The following KIAA1217 variants were observed in gnomAD, a reference collection of about 807,000 sequenced individuals.
KIAA1217 encodes the protein sickle tail protein homolog.
Under a neutral mutation model 163.9 loss-of-function variants are expected in KIAA1217, and 88 were observed. That is an observed-to-expected ratio of 0.54 (90% CI 0.45 to 0.64). KIAA1217 has a LOEUF of 0.64. Among genes scored for constraint, KIAA1217 ranks in the 30% least tolerant of loss-of-function variants. The probability of loss-of-function intolerance (pLI) is 0.00; values close to 1 mark genes in which losing one functional copy is unlikely to be tolerated. For synonymous variants in KIAA1217, 903 were observed against 923.1 expected (o/e 0.98, Z 0.39); for missense variants, 2,372 against 2,475.0 (o/e 0.96, Z 0.88).
At chr10:24,236,450 G>A (rs2072277998) in intron 2 of KIAA1217, among the ~76,000 whole-genome samples, 1 of 151,920 alleles carries the variant, frequency 6.6e-6, no homozygotes, top group South Asian at 2.1e-4. Flanking sequence ...CACCATGTTG[G>A]GCAGGCTGGT....
chr10:23,906,097 C>A (rs1842150432), intron 1 of KIAA1217, among the ~76,000 whole-genome samples: 1 of 151,882 alleles, frequency 6.6e-6, no homozygotes, highest in African/African-American at 2.4e-5. Context: ...TCTCTCCAGC[C>A]CCTTAATAAA....
intron 1 of KIAA1217, among the ~76,000 whole-genome samples, chr10:23,860,167 G>A (rs573906233): frequency 1.2e-3 from 183 of 152,196 alleles, no homozygotes; most frequent in African/African-American, 4.3e-3. Flanking sequence ...GCTCTGGGCA[G>A]GGCTCTCCTT....
intron 2 of KIAA1217, among the ~76,000 whole-genome samples, chr10:24,362,938 A>T (rs930581268): frequency 8.7e-5 from 8 of 92,394 alleles, no homozygotes; most frequent in Non-Finnish European, 1.5e-4. Context: ...AAATTTAATT[A>T]AAAAAAAAGA....
intron 2 of KIAA1217, among the ~76,000 whole-genome samples, chr10:24,364,166 A>G (rs1049941957): frequency 6.6e-6 from 1 of 151,860 alleles, no homozygotes; most frequent in African/African-American, 2.4e-5. Flanking sequence ...TTTAGTAAAG[A>G]TGGGGTTTTG....
intron 1 of KIAA1217, among the ~76,000 whole-genome samples, chr10:23,851,685 A>G (rs977690220): frequency 1.3e-5 from 2 of 152,100 alleles, no homozygotes; most frequent in African/African-American, 4.8e-5. Flanking sequence ...CTGTTTCCTG[A>G]CTTTTTAATG....
intron 1 of KIAA1217, among the ~76,000 whole-genome samples, chr10:23,744,683 C>T (rs574514133): frequency 2.0e-5 from 3 of 152,222 alleles, no homozygotes; most frequent in East Asian, 1.9e-4. Flanking sequence ...GCATTTACCC[C>T]GTGTTAGGGT....
At chr10:24,135,601 G>A (rs2063803231) in intron 2 of KIAA1217, among the ~76,000 whole-genome samples, 1 of 152,058 alleles carries the variant, frequency 6.6e-6, no homozygotes, top group Non-Finnish European at 1.5e-5. Flanking sequence ...CTAGAGGAGG[G>A]GAGAGAGCTG....
chr10:24,098,486 G>C (rs2062251827), intron 2 of KIAA1217, among the ~76,000 whole-genome samples: 1 of 152,160 alleles, frequency 6.6e-6, no homozygotes, highest in Non-Finnish European at 1.5e-5. Flanking sequence ...TGTGAGTGGA[G>C]AAGGGTCTAC....
intron 1 of KIAA1217, among the ~76,000 whole-genome samples, chr10:23,922,476 A>G (rs1842885513): frequency 6.6e-6 from 1 of 152,190 alleles, no homozygotes; most frequent in South Asian, 2.1e-4. Context: ...AGTCTGGGTG[A>G]CATGGGGACC....
chr10:23,810,971 T>TTATATACTATAGTATATATACTATAA (rs1837010247), intron 1 of KIAA1217, among the ~76,000 whole-genome samples: 1 of 118,718 alleles, frequency 8.4e-6, no homozygotes, highest in Admixed American at 9.5e-5. Context: ...ATAGTATATA[T>TTATATACTATAGTATATATACTATAA]TATATACTAT....
chr10:23,818,845 T>C (rs1433096307), intron 1 of KIAA1217, among the ~76,000 whole-genome samples: 3 of 152,180 alleles, frequency 2.0e-5, no homozygotes, highest in African/African-American at 7.2e-5. Context: ...TGGTGACTAT[T>C]TCCTTGCCCT....
chr10:24,541,147 C>T (rs932651810), intron 17 of KIAA1217, among the ~76,000 whole-genome samples: 1 of 151,752 alleles, frequency 6.6e-6, no homozygotes, highest in East Asian at 1.9e-4. Flanking sequence ...CTCCTAGACT[C>T]AAGCAATCCT....
chr10:24,148,141 A>C (rs1392110769), intron 2 of KIAA1217, among the ~76,000 whole-genome samples: 2 of 151,936 alleles, frequency 1.3e-5, no homozygotes, highest in Admixed American at 6.6e-5. Context: ...CCTAAAGGAG[A>C]CTTTTTTTTC....
chr10:24,322,168 G>A (rs928201804), intron 2 of KIAA1217, among the ~76,000 whole-genome samples: 2 of 152,040 alleles, frequency 1.3e-5, no homozygotes, highest in African/African-American at 4.8e-5. Context: ...TGGCCAGGCT[G>A]GTCTTGAATT....
chr10:24,150,549 C>T (rs2131857088), intron 2 of KIAA1217, among the ~76,000 whole-genome samples: 1 of 152,308 alleles, frequency 6.6e-6, no homozygotes, highest in African/African-American at 2.4e-5. Context: ...TCCCTCCCTC[C>T]CTTCTTCTAT....
chr10:24,181,145 A>T (rs1282703184), intron 2 of KIAA1217, among the ~76,000 whole-genome samples: 2 of 152,178 alleles, frequency 1.3e-5, no homozygotes, highest in South Asian at 4.1e-4. Context: ...GGAATTTCTT[A>T]TTTAGTTTGG....
chr10:24,224,561 C>T (rs1187794788), intron 2 of KIAA1217, among the ~76,000 whole-genome samples: 1 of 152,000 alleles, frequency 6.6e-6, no homozygotes, highest in Non-Finnish European at 1.5e-5. Context: ...CTCAAGTGAT[C>T]TGCGTGCCTC....
intron 2 of KIAA1217, among the ~76,000 whole-genome samples, chr10:24,187,023 C>G (rs570712150): frequency 1.1e-4 from 16 of 152,214 alleles, no homozygotes; most frequent in African/African-American, 3.6e-4. Context: ...CTCTTCTGCT[C>G]TACTCCTCTT....
intron 2 of KIAA1217, among the ~76,000 whole-genome samples, chr10:24,173,594 A>T (rs1392055463): frequency 6.6e-6 from 1 of 152,154 alleles, no homozygotes; most frequent in Non-Finnish European, 1.5e-5. Context: ...TCCAGTTCTA[A>T]AGAGATCATC....
Sources: allele counts gnomAD v4.1 joint callset (sites outside exome capture counted in the v4.1 genomes callset), GRCh38; gene constraint gnomAD v4.1.1; transcripts MANE v1.5; gene names NCBI Gene and HGNC (gene_info 2026-07-23, HGNC 2026-07-21).